ZNF672: variants seen among roughly 807,000 people sequenced by gnomAD.
The protein encoded by ZNF672 is hypothetical protein FLJ22301.
For missense variants in ZNF672, 733 were observed against 701.1 expected (o/e 1.05, Z -0.51); for synonymous variants, 358 against 305.6 (o/e 1.17, Z -1.79).
rs534433415 is a variant in ZNF672 at position 248,849,446 on chromosome 1, G to C, written c.*813G>C. ...GGGAGCCACCAGCAGGGAGAGGGCA[G>C]GATGGAAAATCCCCTGGAGCCGGTC... On this transcript the variant is annotated 3_prime_UTR_variant, in exon 4 of 4. Transcript: ENST00000306562. The C allele has an allele frequency of 2.8e-4, 79 of 279,226 alleles. No homozygotes were observed. The South Asian group carries it at 3.2e-3, about 11-fold the overall frequency. 17.3% of individuals were successfully genotyped at this position (279,226 alleles called of 1,614,324 possible).
intron 1 of ZNF672, among the ~76,000 whole-genome samples, chr1:248,843,380 C>A (rs1664708201): frequency 6.6e-6 from 1 of 152,184 alleles, no homozygotes; most frequent in African/African-American, 2.4e-5. Context: ...AACCCCAAGT[C>A]CCTACCAGGT....
intron 3 of ZNF672, among the ~76,000 whole-genome samples, chr1:248,846,464 G>A (rs1310874030): frequency 1.3e-5 from 2 of 152,154 alleles, no homozygotes; most frequent in African/African-American, 4.8e-5. Context: ...CAATATTTTG[G>A]GGTTTCTCAA....
chr1:248,848,763 TTC>T lies in ZNF672; in HGVS notation c.*132_*133del. On this transcript the variant is annotated 3_prime_UTR_variant, in exon 4 of 4. Transcript: ENST00000306562. ...CGATGTGGCCTCCTACCTTTCCAGT[TTC>T]TGTTGGCAGCCCTTCACGTAGCCTC... 5.2e-6 allele frequency: 7 copies of T among 1,357,718 alleles called. No individual in the cohort carries two copies. Among genetic ancestry groups the T allele is most frequent in the Non-Finnish European group, 7.0e-6 (7 of 1,000,644 alleles). The allele number at this position is 1,357,718 out of a possible 1,614,324, so 84.1% of individuals were successfully genotyped here. A position where few individuals can be genotyped will look rare whatever the true frequency, so the allele number is the denominator to read the frequency against.
At chr1:248,839,611 TTCCAAGCTGGG>T (rs1664636135) in intron 1 of ZNF672, among the ~76,000 whole-genome samples, 1 of 152,064 alleles carries the variant, frequency 6.6e-6, no homozygotes, top group Admixed American at 6.5e-5. Flanking sequence ...AATCACTGCA[TTCCAAGCTGGG>T]TGACAGCAAG....
rs146936807 is a variant in ZNF672 at position 248,841,689 on chromosome 1, A to G, written c.-474-2794A>G. Among the ~76,000 whole-genome samples the G allele has an allele frequency of 8.2e-3, 1,242 of 152,338 alleles. 22 individuals carry two copies. Among genetic ancestry groups the G allele is most frequent in the African/African-American group, 0.028 (1,171 of 41,568 alleles). ...GTAATGCCAGCACTTTGGGAGGCTG[A>G]AGCAGGAGGATCAACTGAGGCCAGG... On this transcript the variant is annotated intron_variant, in intron 1 of 3. Coordinates refer to ENST00000306562, the MANE Select transcript of ZNF672 (RefSeq NM_024836.3).
In ZNF672 at chr1:248,849,008, A is replaced by T. The variant is rs1215343519; in HGVS notation, c.*375A>T. The T allele has an allele frequency of 1.9e-6, 1 of 526,684 alleles. No individual in the cohort carries two copies. The highest frequency in any genetic ancestry group is 3.8e-6 in the Non-Finnish European group (1 of 263,656). 32.6% of individuals were successfully genotyped at this position (526,684 alleles called of 1,614,324 possible). On this transcript the variant is annotated 3_prime_UTR_variant, in exon 4 of 4. Coordinates refer to ENST00000306562, the MANE Select transcript of ZNF672 (RefSeq NM_024836.3). Reference sequence around the variant, plus strand: ...ATTCTGTCTTCTCTTGTCCTATCTCATTCCAGCCCACATCTTCTCCTTTCC... The same window carrying T: ...ATTCTGTCTTCTCTTGTCCTATCTCTTTCCAGCCCACATCTTCTCCTTTCC...
At chr1:248,841,788 C>T (rs996434716) in intron 1 of ZNF672, among the ~76,000 whole-genome samples, 1 of 152,008 alleles carries the variant, frequency 6.6e-6, no homozygotes, top group African/African-American at 2.4e-5. Context: ...TGTGGTAGCT[C>T]GAGCCTGTAA....
intron 1 of ZNF672, among the ~76,000 whole-genome samples, chr1:248,841,331 T>C (rs1170499666): frequency 6.6e-6 from 1 of 152,208 alleles, no homozygotes; most frequent in Non-Finnish European, 1.5e-5. Flanking sequence ...TAGTCCTTTC[T>C]CTCTGATCTG....
Position 248,848,952 on chromosome 1 carries a change from GCT to G in ZNF672, c.*324_*325del, listed in dbSNP as rs1262511722. ...TGGTGTGTCCCTTTAATGCTACTGT[GCT>G]CTCTGGTGTTTCTGATTTTCCTGCC... On this transcript the variant is annotated 3_prime_UTR_variant, in exon 4 of 4. Transcript: ENST00000306562. The G allele has an allele frequency of 1.6e-6, 1 of 628,720 alleles. No homozygotes were observed. Among genetic ancestry groups the G allele is most frequent in the Admixed American group, 2.1e-5 (1 of 47,090 alleles). 38.9% of individuals were successfully genotyped at this position (628,720 alleles called of 1,614,324 possible). A position where few individuals can be genotyped will look rare whatever the true frequency, so the allele number is the denominator to read the frequency against.
At chr1:248,845,054 G>C (rs1664735128) in intron 2 of ZNF672, among the ~76,000 whole-genome samples, 1 of 152,192 alleles carries the variant, frequency 6.6e-6, no homozygotes, top group Admixed American at 6.5e-5. Flanking sequence ...CCTGAGGTCA[G>C]AAGTTCAAAA....
rs1278216893 is a variant in ZNF672, at chr1:248,838,235, CT to C, written c.-789del. 2.0e-5 allele frequency: 3 copies of C among 152,480 alleles called. No homozygotes were observed. Among genetic ancestry groups the C allele is most frequent in the East Asian group, 1.9e-4 (1 of 5,186 alleles). The allele number at this position is 152,480 out of a possible 1,614,324, so 9.4% of individuals were successfully genotyped here. A position where few individuals can be genotyped will look rare whatever the true frequency, so the allele number is the denominator to read the frequency against. Reference sequence around the variant, plus strand: ...AGGCTTTCTCTTTTAGCCCCGCCTGCTTCCCGGCTCCAGCTGGGGCCGGAGA... The same window carrying C: ...AGGCTTTCTCTTTTAGCCCCGCCTGCTCCCGGCTCCAGCTGGGGCCGGAGA... On this transcript the variant is annotated 5_prime_UTR_variant, in exon 1 of 4. Coordinates refer to ENST00000306562, the MANE Select transcript of ZNF672 (RefSeq NM_024836.3).
intron 1 of ZNF672, among the ~76,000 whole-genome samples, chr1:248,844,119 A>G (rs1664720558): frequency 6.8e-6 from 1 of 146,314 alleles, no homozygotes; most frequent in Non-Finnish European, 1.5e-5. Flanking sequence ...AATTATTATT[A>G]AGGAAAAAAA....
intron 3 of ZNF672, among the ~76,000 whole-genome samples, chr1:248,846,493 G>C (rs547935405): frequency 6.6e-6 from 1 of 152,236 alleles, no homozygotes; most frequent in Admixed American, 6.5e-5. Flanking sequence ...CCTTGGCCAG[G>C]CCCCAGCCCC....
chr1:248,847,295 A>G lies in ZNF672; in HGVS notation c.21A>G (p.Ala7=). MFATSG[A]VAAGKPYSCS... ...TCACCATGTTTGCCACATCTGGGGC[A>G]GTGGCAGCGGGGAAGCCTTACTCGT... Residue 7 remains alanine, a synonymous_variant, in exon 4 of 4, where the codon GCA becomes GCG. Coordinates refer to ENST00000306562, the MANE Select transcript of ZNF672 (RefSeq NM_024836.3). 6.2e-7 allele frequency: 1 copy of G among 1,602,520 alleles called. No individual in the cohort carries two copies. Among genetic ancestry groups the G allele is most frequent in the Non-Finnish European group, 8.5e-7 (1 of 1,170,082 alleles).
Position 248,847,383 on chromosome 1 carries a change from G to A in ZNF672, c.109G>A (p.Gly37Ser), listed in dbSNP as rs563993633. ...SVLLRHERAH[G>S]GDGRFRCLEC... ...GCTGCTGCGACATGAACGAGCTCAC[G>A]GCGGTGACGGCCGCTTCCGTTGCCT... The change falls in exon 4 of 4, where the codon GGC becomes AGC. Residue 37 changes from glycine (G) to serine (S), a missense_variant. By Grantham distance (56) the Gly-to-Ser change is moderately conservative. Coordinates refer to ENST00000306562, the MANE Select transcript of ZNF672 (RefSeq NM_024836.3). 1.4e-5 allele frequency: 22 copies of A among 1,606,408 alleles called. No individual in the cohort carries two copies. The highest frequency in any genetic ancestry group is 5.6e-5 in the South Asian group (5 of 89,858).
Position 248,848,614 on chromosome 1 carries a change from C to T in ZNF672, c.1340C>T (p.Pro447Leu). ...VFEGPAEQEK[P>L]GFSVS ...GAGGGGCCGGCTGAACAGGAAAAGC[C>T]AGGGTTCTCTGTGTCCTAGTTGAGG... The change falls in exon 4 of 4, where the codon CCA (proline) becomes CTA (leucine). Residue 447 changes from proline to leucine, a missense_variant. Coordinates refer to ENST00000306562, the MANE Select transcript of ZNF672 (RefSeq NM_024836.3). The T allele has an allele frequency of 1.3e-6, 2 of 1,581,272 alleles. No individual in the cohort carries two copies. Among genetic ancestry groups the T allele is most frequent in the Non-Finnish European group, 1.7e-6 (2 of 1,161,378 alleles).
In ZNF672 at chr1:248,848,594, G is replaced by A; in HGVS notation, c.1320G>A (p.Gly440=). ...SAVGTALVFE[G]PAEQEKPGFS... ...TGGGCACTGCCCTCGTCTTTGAGGG[G>A]CCGGCTGAACAGGAAAAGCCAGGGT... is the stretch of plus-strand genomic sequence containing the variant. Residue 440 remains glycine, a synonymous_variant, in exon 4 of 4, where the codon GGG becomes GGA. Transcript: ENST00000306562. 6.3e-7 allele frequency: 1 copy of A among 1,589,216 alleles called. No individual in the cohort carries two copies. Among genetic ancestry groups the A allele is most frequent in the Admixed American group, 1.7e-5 (1 of 58,170 alleles).
At chr1:248,846,906 G>T in intron 3 of ZNF672, 146 bp from the exon 4 acceptor site, 1 of 207,622 alleles carries the variant, frequency 4.8e-6, no homozygotes, top group Non-Finnish European at 9.8e-6. Flanking sequence ...CCCTATTTCC[G>T]GGATGCCCAT....
chr1:248,846,139 C>G (rs1664757038), intron 3 of ZNF672, among the ~76,000 whole-genome samples: 2 of 152,190 alleles, frequency 1.3e-5, no homozygotes, highest in Admixed American at 1.3e-4. Context: ...GTGGCTGAGA[C>G]AGTGAGGAAA....
Sources: gnomAD v4.1 joint callset for allele counts (sites outside exome capture counted in the v4.1 genomes callset) on GRCh38, gnomAD v4.1.1 for gene constraint, MANE v1.5 for transcripts, NCBI Gene and HGNC (gene_info 2026-07-23, HGNC 2026-07-21) for gene names.